SIL1: variants seen among roughly 807,000 people sequenced by gnomAD.
SIL1 encodes the protein SIL1 nucleotide exchange factor.
SIL1 carries 40 observed loss-of-function variants against 49.1 expected under a neutral mutation model. The ratio of observed to expected loss-of-function variants is 0.81; its 90% CI spans 0.63 to 1.06. The LOEUF is 1.06. Among genes scored for constraint, SIL1 ranks in the 50% least tolerant of loss-of-function variants. The probability of loss-of-function intolerance (pLI) is 0.00; values close to 1 mark genes in which losing one functional copy is unlikely to be tolerated. For missense variants in SIL1, 500 were observed against 572.6 expected, an observed-to-expected ratio of 0.87 and a Z score of 1.29; for synonymous variants, 253 against 250.8, an observed-to-expected ratio of 1.01 and a Z score of -0.08.
At chr5:139,080,702 C>T (rs1770054285) in intron 3 of SIL1, among the ~76,000 whole-genome samples, 2 of 152,130 alleles carry the variant, frequency 1.3e-5, no homozygotes, top group South Asian at 4.1e-4. Flanking sequence ...GCTTTTAGAT[C>T]AATTCTTACC....
intron 2 of SIL1, among the ~76,000 whole-genome samples, chr5:139,123,823 G>A (rs908909450): frequency 1.3e-5 from 2 of 152,224 alleles, no homozygotes; most frequent in Admixed American, 6.5e-5. Context: ...CTTGAAAACA[G>A]AAATCCAGAT....
chr5:139,006,891 T>C (rs1397416739), intron 7 of SIL1, among the ~76,000 whole-genome samples: 1 of 147,414 alleles, frequency 6.8e-6, no homozygotes, highest in Non-Finnish European at 1.5e-5. Context: ...AGTCAGGTAG[T>C]GTGATGCCTC....
At chr5:139,118,210 T>C (rs866344010) in intron 3 of SIL1, among the ~76,000 whole-genome samples, 48 of 152,218 alleles carry the variant, frequency 3.2e-4, no homozygotes, top group African/African-American at 1.2e-3. Context: ...GGACATTTCA[T>C]GAACATGCAA....
intron 3 of SIL1, among the ~76,000 whole-genome samples, chr5:139,100,239 G>A (rs1770557030): frequency 6.6e-6 from 1 of 152,148 alleles, no homozygotes; most frequent in Non-Finnish European, 1.5e-5. Context: ...CACTGGAAAA[G>A]AAGAAAGTCA....
intron 7 of SIL1, among the ~76,000 whole-genome samples, chr5:138,960,373 T>A (rs1000508201): frequency 1.3e-4 from 20 of 151,960 alleles, no homozygotes; most frequent in African/African-American, 4.6e-4. Context: ...TAAATAAACA[T>A]TGATTAAGTC....
At chr5:139,046,430 C>T (rs1361407025) in intron 4 of SIL1, among the ~76,000 whole-genome samples, 2 of 152,110 alleles carry the variant, frequency 1.3e-5, no homozygotes, top group African/African-American at 4.8e-5. Flanking sequence ...CCCCCACATA[C>T]CTCTCCAATC....
At chr5:139,180,161 C>T (rs896857788) in intron 1 of SIL1, among the ~76,000 whole-genome samples, 2 of 150,896 alleles carry the variant, frequency 1.3e-5, no homozygotes, top group African/African-American at 2.4e-5. Flanking sequence ...GCCAGGCGTT[C>T]GAGACCCAGG....
intron 7 of SIL1, among the ~76,000 whole-genome samples, chr5:138,973,619 C>T (rs1767331612): frequency 6.6e-6 from 1 of 151,980 alleles, no homozygotes; most frequent in African/African-American, 2.4e-5. Context: ...GCCACTGCAC[C>T]TGACTAAATT....
At chr5:139,069,517 A>G (rs922832088) in intron 3 of SIL1, among the ~76,000 whole-genome samples, 2 of 152,194 alleles carry the variant, frequency 1.3e-5, no homozygotes, top group Non-Finnish European at 2.9e-5. Context: ...CTAAACAAGC[A>G]AACAGAATAC....
intron 7 of SIL1, among the ~76,000 whole-genome samples, chr5:138,983,198 C>CAAAA (rs33926268): frequency 3.6e-5 from 1 of 28,100 alleles, no homozygotes; most frequent in Non-Finnish European, 5.8e-5. Context: ...GACACTGTCT[C>CAAAA]AAAAAAAAAA....
At chr5:139,000,617 C>T (rs1362898368) in intron 7 of SIL1, among the ~76,000 whole-genome samples, 2 of 151,906 alleles carry the variant, frequency 1.3e-5, no homozygotes, top group Non-Finnish European at 2.9e-5. Flanking sequence ...AATAAAAACC[C>T]GTCAAAACTT....
chr5:139,109,179 C>G lies in SIL1; in HGVS notation c.244+11856G>C, dbSNP rs1239249632. Among the ~76,000 whole-genome samples the G allele has an allele frequency of 2.6e-4, 40 of 152,186 alleles. 1 individual carries two copies. Among genetic ancestry groups the G allele is most frequent in the Non-Finnish European group, 5.9e-5 (4 of 68,022 alleles). ...TTGAAATCTACTGTTCTATACCTAA[C>G]TCCAAAGTATCCTCAGCTAGATACT... On this transcript the variant is annotated intron_variant, in intron 3 of 9. Coordinates refer to ENST00000394817, the MANE Select transcript of SIL1 (RefSeq NM_022464.5).
chr5:139,056,727 C>T (rs1282874753), intron 3 of SIL1, among the ~76,000 whole-genome samples: 8 of 151,286 alleles, frequency 5.3e-5, no homozygotes, highest in African/African-American at 1.5e-4. Flanking sequence ...CCAGCCGCCC[C>T]GCCCGGGAGG....
At chr5:139,086,258 G>C (rs1581089112) in intron 3 of SIL1, among the ~76,000 whole-genome samples, 1 of 138,188 alleles carries the variant, frequency 7.2e-6, no homozygotes, top group South Asian at 2.4e-4. Context: ...GAGCAACAGA[G>C]TGAGACCGTC....
Position 138,947,467 on chromosome 5 carries a change from C to G in SIL1, c.1036G>C (p.Ala346Pro), listed in dbSNP as rs377150029. ...LYDLVTEKMFAEEEAELTQEM... is the reference protein window; with the variant it reads ...LYDLVTEKMFPEEEAELTQEM... Reference sequence around the variant, plus strand: ...TGGGTCAGCTCAGCCTCCTCCTCGGCGAACATCTGCCATCCGCCACAGCCG... The same window carrying G: ...TGGGTCAGCTCAGCCTCCTCCTCGGGGAACATCTGCCATCCGCCACAGCCG... The change falls in exon 10 of 10, where the codon GCC (alanine) becomes CCC (proline). Residue 346 changes from alanine (A) to proline (P), a missense_variant. Ala to Pro is a conservative substitution (Grantham distance 27). Transcript: ENST00000394817. This position sits in a 1 kb window ranked among gnomAD's most constrained non-coding sequence, Gnocchi z 4.1. 22 of 1,613,290 alleles carry G rather than the reference C, an allele frequency of 1.4e-5. No homozygotes were observed. The highest frequency in any genetic ancestry group is 8.0e-5 in the African/African-American group (6 of 75,028).
intron 3 of SIL1, among the ~76,000 whole-genome samples, chr5:139,059,944 A>G (rs562485788): frequency 7.8e-4 from 119 of 152,288 alleles, no homozygotes; most frequent in African/African-American, 2.7e-3. Flanking sequence ...CTGTTAACCC[A>G]TATCCCTGTG....
intron 7 of SIL1, among the ~76,000 whole-genome samples, chr5:138,974,634 C>T (rs575071917): frequency 3.9e-5 from 6 of 152,216 alleles, no homozygotes; most frequent in Admixed American, 1.3e-4. Context: ...GAAGAACATT[C>T]GGTATGGAAA....
At chr5:139,043,963 G>T (rs1233542313) in intron 4 of SIL1, among the ~76,000 whole-genome samples, 1 of 152,184 alleles carries the variant, frequency 6.6e-6, no homozygotes, top group African/African-American at 2.4e-5. Context: ...ACTCCAGGCA[G>T]GAAGAGCACA....
chr5:139,171,074 G>A (rs1421368160), intron 1 of SIL1, among the ~76,000 whole-genome samples: 3 of 150,220 alleles, frequency 2.0e-5, no homozygotes, highest in Non-Finnish European at 4.5e-5. Flanking sequence ...CCGGGAGGGA[G>A]GTGGGGGGGT....
Sources: gnomAD v4.1 joint callset for allele counts (sites outside exome capture counted in the v4.1 genomes callset) on GRCh38, gnomAD v4.1.1 for gene constraint, Gnocchi (gnomAD v3.1) non-coding constraint, MANE v1.5 for transcripts, NCBI Gene and HGNC (gene_info 2026-07-23, HGNC 2026-07-21) for gene names.